TRAM2: variants seen among roughly 807,000 people sequenced by gnomAD.
TRAM2 encodes translocation associated membrane protein 2.
In TRAM2, 12 loss-of-function variants were observed where a neutral mutation model predicts 51.0. The observed-to-expected ratio is 0.24, with a 90% CI of 0.15 to 0.38. The LOEUF (loss-of-function observed/expected upper bound fraction) is 0.38, where lower values mean the gene tolerates loss of function less well. Among genes scored for constraint, TRAM2 ranks in the 10% least tolerant of loss-of-function variants. The probability of loss-of-function intolerance (pLI) is 1.00; values close to 1 mark genes in which losing one functional copy is unlikely to be tolerated. For missense variants in TRAM2, 361 were observed against 462.0 expected (o/e 0.78, Z 2.00); for synonymous variants, 175 against 179.4 (o/e 0.98, Z 0.20).
chr6:52,518,095 G>A (rs1464625856), intron 2 of TRAM2, among the ~76,000 whole-genome samples: 2 of 152,234 alleles, frequency 1.3e-5, no homozygotes, highest in Non-Finnish European at 2.9e-5. Flanking sequence ...CTAACAGACA[G>A]ATGTACGATT....
intron 5 of TRAM2, among the ~76,000 whole-genome samples, 154 bp from the exon 6 acceptor site, chr6:52,508,472 G>A (rs1027682157): frequency 2.0e-5 from 3 of 152,222 alleles, no homozygotes; most frequent in African/African-American, 7.2e-5. Flanking sequence ...GCCGCACCCT[G>A]AGCCTGGGAC....
rs573990162 is a variant in TRAM2, at chr6:52,500,937, A to T, written c.*2260T>A. 6.6e-6 allele frequency: 1 copy of T among 152,232 alleles called. No homozygotes were observed. Among genetic ancestry groups the T allele is most frequent in the Admixed American group, 6.5e-5 (1 of 15,286 alleles). The allele number at this position is 152,232 out of a possible 1,614,324, so 9.4% of individuals were successfully genotyped here. On this transcript the variant is annotated 3_prime_UTR_variant, in exon 11 of 11. Coordinates refer to ENST00000182527, the MANE Select transcript of TRAM2 (RefSeq NM_012288.4). ...AAGCCCTGCCAATGACACAGCCTGG[A>T]GAGCACCTAGGATGGGTGTTCTCTA...
At chr6:52,541,413 T>C (rs1462283546) in intron 1 of TRAM2, among the ~76,000 whole-genome samples, 1 of 152,204 alleles carries the variant, frequency 6.6e-6, no homozygotes, top group East Asian at 1.9e-4. Context: ...AGAACGAATG[T>C]CCTTAAAGGT....
intron 2 of TRAM2, chr6:52,522,974 C>A (rs1332824975): frequency 1.4e-6 from 1 of 698,776 alleles, no homozygotes; most frequent in South Asian, 1.5e-5. Context: ...TCTGCACAAC[C>A]TGAGCTGGTG....
chr6:52,565,051 G>A (rs1365054943), intron 1 of TRAM2, among the ~76,000 whole-genome samples: 1 of 152,210 alleles, frequency 6.6e-6, no homozygotes, highest in Non-Finnish European at 1.5e-5. Flanking sequence ...GCAGGGACGA[G>A]GCCTGAGGGA....
intron 2 of TRAM2, among the ~76,000 whole-genome samples, chr6:52,534,967 G>C (rs1997871): frequency 0.2 from 30,461 of 152,202 alleles, 3,987 homozygotes; most frequent in Non-Finnish European, 0.29. Context: ...GGGGAAGCTT[G>C]TGATGCAGCA....
At chr6:52,570,936 C>T (rs547256136) in intron 1 of TRAM2, among the ~76,000 whole-genome samples, 4 of 152,178 alleles carry the variant, frequency 2.6e-5, no homozygotes, top group African/African-American at 7.2e-5. Context: ...AGTTAGGTGT[C>T]GTTCTCCTCT....
intron 1 of TRAM2, among the ~76,000 whole-genome samples, chr6:52,573,671 A>T (rs1259362302): frequency 6.6e-6 from 1 of 152,182 alleles, no homozygotes; most frequent in Admixed American, 6.5e-5. Context: ...TCCCAAAAGG[A>T]AATTATCCCA....
intron 2 of TRAM2, among the ~76,000 whole-genome samples, chr6:52,522,158 A>T (rs947421893): frequency 7.2e-5 from 11 of 152,282 alleles, no homozygotes; most frequent in Non-Finnish European, 1.2e-4. Context: ...AACAAGTTTA[A>T]GAGATATCCA....
At chr6:52,572,584 C>G (rs146086888) in intron 1 of TRAM2, among the ~76,000 whole-genome samples, 1,781 of 152,306 alleles carry the variant, frequency 0.012, 31 homozygotes, top group African/African-American at 0.041. Context: ...GCCTGTGTGA[C>G]AGAGCGAGAC....
intron 1 of TRAM2, among the ~76,000 whole-genome samples, chr6:52,572,330 G>A (rs1264041868): frequency 1.3e-5 from 2 of 152,256 alleles, no homozygotes; most frequent in Non-Finnish European, 2.9e-5. Context: ...GAGGCCAGGC[G>A]CAGTGGCTCA....
intron 2 of TRAM2, among the ~76,000 whole-genome samples, chr6:52,525,877 A>G (rs1766768024): frequency 6.6e-6 from 1 of 152,150 alleles, no homozygotes; most frequent in African/African-American, 2.4e-5. Context: ...TTTCAATATG[A>G]CTGGTGGTCT....
rs542732799 is a variant in TRAM2 at position 52,568,230 on chromosome 6, G to C, written c.120+8566C>G. ...TCATTCCTCAAGAACCCTGAAAGAA[G>C]GGCACACGTTCCAGCCATCATAACC... On this transcript the variant is annotated intron_variant, in intron 1 of 10. Coordinates refer to ENST00000182527, the MANE Select transcript of TRAM2 (RefSeq NM_012288.4). 1.3e-4 allele frequency among the ~76,000 whole-genome samples: 20 copies of C among 152,288 alleles called. No homozygotes were observed. In the South Asian group the frequency reaches 4.2e-3, roughly 32 times the overall value.
chr6:52,505,525 C>G, intron 9 of TRAM2, 74 bp downstream of exon 9: 1 of 1,520,534 alleles, frequency 6.6e-7, no homozygotes, highest in Non-Finnish European at 8.8e-7. Flanking sequence ...CTGCTGCCTC[C>G]AGACCTTCTG....
chr6:52,540,778 T>A (rs1015512655), intron 1 of TRAM2, among the ~76,000 whole-genome samples: 5 of 152,176 alleles, frequency 3.3e-5, no homozygotes, highest in African/African-American at 1.2e-4. Flanking sequence ...ATAGGAAACA[T>A]TATTGAGTTT....
intron 1 of TRAM2, among the ~76,000 whole-genome samples, chr6:52,556,455 T>C (rs6937615): frequency 7.2e-5 from 11 of 151,982 alleles, no homozygotes; most frequent in African/African-American, 2.7e-4. Context: ...TAATTTGTTG[T>C]ATTTTTAGTA....
At chr6:52,565,942 T>A (rs1310678068) in intron 1 of TRAM2, among the ~76,000 whole-genome samples, 2 of 152,188 alleles carry the variant, frequency 1.3e-5, no homozygotes, top group African/African-American at 2.4e-5. Context: ...CTTAGGTAAG[T>A]CCACGGTATT....
chr6:52,521,620 C>T (rs1189416551), intron 2 of TRAM2, among the ~76,000 whole-genome samples: 2 of 151,804 alleles, frequency 1.3e-5, no homozygotes, highest in Non-Finnish European at 2.9e-5. Flanking sequence ...TGGCGTGAAC[C>T]CGGGAGGGGA....
intron 1 of TRAM2, among the ~76,000 whole-genome samples, chr6:52,565,381 T>TG (rs1767572627): frequency 6.6e-6 from 1 of 152,004 alleles, no homozygotes; most frequent in Non-Finnish European, 1.5e-5. Flanking sequence ...GAACAGACAC[T>TG]GGGGGCAAGG....
Sources: gnomAD v4.1 joint callset for allele counts (sites outside exome capture counted in the v4.1 genomes callset) on GRCh38, gnomAD v4.1.1 for gene constraint, MANE v1.5 for transcripts, NCBI Gene and HGNC (gene_info 2026-07-23, HGNC 2026-07-21) for gene names.